Variants in SHC4 observed in about 807,000 individuals in gnomAD.
SHC4 encodes the protein SHC-transforming protein 4.
In SHC4, 41 loss-of-function variants were observed where a neutral mutation model predicts 69.4. The ratio of observed to expected loss-of-function variants is 0.59; its 90% CI spans 0.46 to 0.77. The LOEUF (loss-of-function observed/expected upper bound fraction) is 0.77. Ranked by LOEUF, SHC4 falls within the 30% of genes least tolerant of loss-of-function variation. SHC4 has a pLI of 0.00. For missense variants in SHC4, 777 were observed against 783.8 expected (o/e 0.99, Z 0.10); for synonymous variants, 318 against 299.3 (o/e 1.06, Z -0.64).
At chr15:48,944,803 C>T (rs1488033033) in intron 1 of SHC4, among the ~76,000 whole-genome samples, 1 of 152,190 alleles carries the variant, frequency 6.6e-6, no homozygotes, top group Non-Finnish European at 1.5e-5. Flanking sequence ...TTACTCGAAT[C>T]AGTTCAGCAG....
chr15:48,846,581 C>T (rs1301074695), intron 9 of SHC4, among the ~76,000 whole-genome samples: 1 of 152,126 alleles, frequency 6.6e-6, no homozygotes, highest in African/African-American at 2.4e-5. Context: ...GGGAATGGTG[C>T]CACTTCATGA....
intron 1 of SHC4, among the ~76,000 whole-genome samples, chr15:48,944,353 A>G (rs1465743048): frequency 6.6e-6 from 1 of 152,096 alleles, no homozygotes; most frequent in Non-Finnish European, 1.5e-5. Flanking sequence ...CAGGAGCCCA[A>G]GGAGATGTGA....
intron 6 of SHC4, among the ~76,000 whole-genome samples, chr15:48,864,694 G>T (rs1022765377): frequency 7.2e-5 from 11 of 151,838 alleles, no homozygotes; most frequent in Non-Finnish European, 1.5e-4. Flanking sequence ...TGATCTGCCC[G>T]CCTCGGCCTC....
chr15:48,869,290 A>C (rs1899621025), intron 5 of SHC4, among the ~76,000 whole-genome samples: 1 of 152,206 alleles, frequency 6.6e-6, no homozygotes, highest in Admixed American at 6.5e-5. Context: ...TTTTGCAAAG[A>C]GAGTAAAAAT....
chr15:48,953,261 T>C (rs572135128), intron 1 of SHC4, among the ~76,000 whole-genome samples: 10 of 152,118 alleles, frequency 6.6e-5, no homozygotes, highest in Non-Finnish European at 1.0e-4. Flanking sequence ...CATTGGGGCC[T>C]ATCAGAGGGT....
At chr15:48,832,310 C>T (rs1322994038) in intron 11 of SHC4, among the ~76,000 whole-genome samples, 4 of 152,042 alleles carry the variant, frequency 2.6e-5, no homozygotes, top group African/African-American at 9.7e-5. Flanking sequence ...ATGGTTTTGC[C>T]AGATGGAGTA....
At chr15:48,897,508 C>CCACACACACACACA (rs57034071) in intron 2 of SHC4, among the ~76,000 whole-genome samples, 2 of 142,936 alleles carry the variant, frequency 1.4e-5, no homozygotes, top group Non-Finnish European at 3.0e-5. Context: ...AGCAATGTCG[C>CCACACACACACACA]CACACACACA....
chr15:48,900,983 C>G (rs1900310074), intron 2 of SHC4, among the ~76,000 whole-genome samples: 1 of 152,204 alleles, frequency 6.6e-6, no homozygotes, highest in Admixed American at 6.5e-5. Flanking sequence ...TACAGCTACT[C>G]AATTCTGCTG....
At position 48,913,170 on chromosome 15, in the gene SHC4, C is replaced by A. The variant is rs1900541163; in HGVS notation, c.656+11709G>T. On this transcript the variant is annotated intron_variant, in intron 2 of 11. Coordinates refer to ENST00000332408, the MANE Select transcript of SHC4 (RefSeq NM_203349.4). ...GTCCTAGAACTCCCAAGATTATATG[C>A]CCTTTGTCTTCTGCTACCAGGGTGG... Among the ~76,000 whole-genome samples the A allele has an allele frequency of 2.0e-5, 3 of 151,592 alleles. No homozygotes were observed. The South Asian group carries it at 6.3e-4, about 32-fold the overall frequency.
rs1567057012 is a variant in SHC4 at position 48,867,873 on chromosome 15, T to TA, written c.895-5dup. 1.9e-6 allele frequency: 3 copies of TA among 1,610,520 alleles called. No homozygotes were observed. The South Asian group carries it at 3.3e-5, about 18-fold the overall frequency. Reference sequence around the variant, plus strand: ...AGGCAACATAGTCTGTAGTATCCTATAAAAAAGGGAAAATGACTGTATTTA... The same window carrying TA: ...AGGCAACATAGTCTGTAGTATCCTATAAAAAAAGGGAAAATGACTGTATTTA... On this transcript the variant is annotated splice_polypyrimidine_tract_variant and splice_region_variant and intron_variant, in intron 5 of 11. Coordinates refer to ENST00000332408, the MANE Select transcript of SHC4 (RefSeq NM_203349.4).
At chr15:48,849,081 G>A (rs912172172) in intron 9 of SHC4, among the ~76,000 whole-genome samples, 6 of 152,148 alleles carry the variant, frequency 3.9e-5, no homozygotes, top group African/African-American at 1.4e-4. Flanking sequence ...GGGCAGGACT[G>A]AACATTTTGA....
chr15:48,892,584 A>T (rs1350310908), intron 2 of SHC4, among the ~76,000 whole-genome samples: 1 of 152,132 alleles, frequency 6.6e-6, no homozygotes, highest in Non-Finnish European at 1.5e-5. Flanking sequence ...ATTGGCACTG[A>T]TACTGCCGAA....
chr15:48,832,255 A>G (rs1260558550), intron 11 of SHC4, among the ~76,000 whole-genome samples: 3 of 152,192 alleles, frequency 2.0e-5, no homozygotes, highest in Non-Finnish European at 4.4e-5. Context: ...CTGGGCGACA[A>G]GAGTGAAACG....
intron 2 of SHC4, among the ~76,000 whole-genome samples, chr15:48,917,922 C>T (rs1900659259): frequency 1.3e-5 from 2 of 152,148 alleles, no homozygotes. Context: ...ATCATGGCTC[C>T]TCCTTTATTA....
chr15:48,956,969 TC>T (rs1901465314), intron 1 of SHC4, among the ~76,000 whole-genome samples: 6 of 29,246 alleles, frequency 2.1e-4, no homozygotes, highest in African/African-American at 4.4e-4. Flanking sequence ...TTTCTTTCTT[TC>T]TTTCTTTTTT....
At chr15:48,838,445 T>C (rs931403261) in intron 10 of SHC4, among the ~76,000 whole-genome samples, 1 of 152,202 alleles carries the variant, frequency 6.6e-6, no homozygotes, top group Middle Eastern at 3.2e-3. Context: ...GATTACTGGG[T>C]GTATGAAAAC....
intron 1 of SHC4, among the ~76,000 whole-genome samples, chr15:48,957,671 G>A (rs1308863349): frequency 6.6e-6 from 1 of 152,138 alleles, no homozygotes; most frequent in Non-Finnish European, 1.5e-5. Flanking sequence ...ATGCTCTTGG[G>A]GACTGTTTTG....
At chr15:48,884,131 C>T in intron 4 of SHC4, 117 bp downstream of exon 4, 3 of 1,120,642 alleles carry the variant, frequency 2.7e-6, no homozygotes, top group South Asian at 3.0e-5. Flanking sequence ...CAGATTTTTC[C>T]CTTGTGCTGT....
intron 2 of SHC4, among the ~76,000 whole-genome samples, chr15:48,907,968 T>A (rs1389053829): frequency 6.6e-6 from 1 of 152,116 alleles, no homozygotes; most frequent in Non-Finnish European, 1.5e-5. Context: ...TATGCAAGTA[T>A]CTTTTTCGAA....
Sources: gnomAD v4.1 joint callset for allele counts (sites outside exome capture counted in the v4.1 genomes callset) on GRCh38, gnomAD v4.1.1 for gene constraint, MANE v1.5 for transcripts, NCBI Gene and HGNC (gene_info 2026-07-23, HGNC 2026-07-21) for gene names.